Variants in PLCH2 observed in about 807,000 individuals in gnomAD.
The protein encoded by PLCH2 is phospholipase C eta 2.
PLCH2 carries 98 observed loss-of-function variants against 134.7 expected under a neutral mutation model. The ratio of observed to expected loss-of-function variants is 0.73; its 90% CI spans 0.62 to 0.86. The LOEUF (loss-of-function observed/expected upper bound fraction) is 0.86. Among genes scored for constraint, PLCH2 ranks in the 40% least tolerant of loss-of-function variants. The pLI, the probability that PLCH2 is intolerant of heterozygous loss-of-function variation, is 0.00. For missense variants in PLCH2, 1,994 were observed against 1,986.6 expected, an observed-to-expected ratio of 1.00 and a Z score of -0.07; for synonymous variants, 974 against 827.5, an observed-to-expected ratio of 1.18 and a Z score of -3.04.
chr1:2,421,981 G>GAAGAA (rs60532031), upstream of PLCH2, among the ~76,000 whole-genome samples: 49,039 of 149,704 alleles, frequency 0.33, 8,083 homozygotes, highest in East Asian at 0.52. Flanking sequence ...CTCAAAAAAA[G>GAAGAA]AAGAAAAGGC....
At chr1:2,431,330 CGT>C (rs35263617) in intron 2 of PLCH2, among the ~76,000 whole-genome samples, 38 of 151,216 alleles carry the variant, frequency 2.5e-4, no homozygotes, top group Admixed American at 1.8e-3. Context: ...TGCCCAAGTG[CGT>C]GTGTGTGTGT....
the PLCH2 span, among the ~76,000 whole-genome samples, chr1:2,419,028 C>T: frequency 1.4e-3 from 208 of 152,358 alleles, no homozygotes; most frequent in African/African-American, 4.4e-3. Context: ...CGACGCCTCT[C>T]TCTGCGGTTG....
At chr1:2,458,609 TGGGC>T (rs1640615689) in intron 2 of PLCH2, among the ~76,000 whole-genome samples, 1 of 152,094 alleles carries the variant, frequency 6.6e-6, no homozygotes, top group Non-Finnish European at 1.5e-5. Flanking sequence ...GGGGAGAAGC[TGGGC>T]TCCATCTGTG....
At chr1:2,431,434 G>T (rs1639065898) in intron 2 of PLCH2, among the ~76,000 whole-genome samples, 1 of 152,176 alleles carries the variant, frequency 6.6e-6, no homozygotes, top group Non-Finnish European at 1.5e-5. Flanking sequence ...ACAGGTCTTC[G>T]CCATCTGAGG....
intron 2 of PLCH2, among the ~76,000 whole-genome samples, chr1:2,455,612 C>G (rs1320005420): frequency 1.3e-5 from 2 of 152,188 alleles, no homozygotes; most frequent in Non-Finnish European, 2.9e-5. Flanking sequence ...GTGGGGGATG[C>G]CGACGCTTGT....
At chr1:2,430,128 C>T (rs1170569507) in intron 1 of PLCH2, among the ~76,000 whole-genome samples, 1 of 152,180 alleles carries the variant, frequency 6.6e-6, no homozygotes, top group African/African-American at 2.4e-5. Flanking sequence ...CTCCCCTGCC[C>T]TTTGGTTCTT....
rs780594611 is a variant in PLCH2, at chr1:2,478,465, C to G, written c.125-11C>G. On this transcript the variant is annotated splice_polypyrimidine_tract_variant and intron_variant, in intron 1 of 21. Transcript: ENST00000378486. ...TGCCTCCGCTGACAGCCGTGTCTCT[C>G]CCGTGTCCAGTGGAGCGGTGCATGG... is the stretch of plus-strand genomic sequence containing the variant. 8 of 1,612,404 alleles carry G rather than the reference C, an allele frequency of 5.0e-6. No homozygotes were observed. In the East Asian group the frequency reaches 1.1e-4, roughly 22 times the overall value.
At position 2,504,033 on chromosome 1, in the gene PLCH2, C is replaced by G; in HGVS notation, c.3071C>G (p.Thr1024Ser). 2 of 1,541,288 alleles carry G rather than the reference C, an allele frequency of 1.3e-6. No individual in the cohort carries two copies. The highest frequency in any genetic ancestry group is 3.9e-5 in the Admixed American group (2 of 50,718). The change falls in exon 22 of 22, where the codon ACC becomes AGC. Residue 1024 changes from threonine to serine, a missense_variant. Thr to Ser is a moderately conservative substitution (Grantham distance 58). Coordinates refer to ENST00000378486, the MANE Select transcript of PLCH2 (RefSeq NM_014638.4). Reference protein sequence around the residue: ...PGPPPPAAVPTSSSQGRPPYP... With the variant: ...PGPPPPAAVPSSSSQGRPPYP... ...CCCCCGCCACCAGCGGCTGTCCCCA[C>G]CAGCTCTTCTCAGGGACGGCCCCCA...
chr1:2,498,236 T>A lies in PLCH2; in HGVS notation c.2225-287T>A. The A allele has an allele frequency of 9.2e-5, 34 of 368,486 alleles. No homozygotes were observed. Among genetic ancestry groups the A allele is most frequent in the Middle Eastern group, 7.7e-4 (1 of 1,302 alleles). The allele number at this position is 368,486 out of a possible 1,614,324, so 22.8% of individuals were successfully genotyped here. ...CTGTCACCAGAGACCCCACCCCTCA[T>A]ACCCCCAGGGACCCAGACCCACCCC... On this transcript the variant is annotated intron_variant, in intron 16 of 21. Coordinates refer to ENST00000378486, the MANE Select transcript of PLCH2 (RefSeq NM_014638.4). The surrounding 1 kb of genome is among the most constrained non-coding windows in gnomAD (Gnocchi z 5.4).
chr1:2,461,365 TC>T (rs1273531675), intron 2 of PLCH2, among the ~76,000 whole-genome samples: 1 of 152,178 alleles, frequency 6.6e-6, no homozygotes, highest in East Asian at 1.9e-4. Context: ...GGCAAGGCTG[TC>T]CTTCAGCAGG....
At chr1:2,459,152 G>A (rs561512349) in intron 2 of PLCH2, among the ~76,000 whole-genome samples, 120 of 152,378 alleles carry the variant, frequency 7.9e-4, no homozygotes, top group African/African-American at 2.5e-3. Context: ...TTTGCCATCC[G>A]CCAGGAGCTT....
At chr1:2,479,188 T>G (rs1641810216) in intron 2 of PLCH2, 1 of 163,012 alleles carries the variant, frequency 6.1e-6, no homozygotes, top group South Asian at 1.7e-4. Context: ...GCTTTGCTGA[T>G]GGTCAGGACC....
chr1:2,499,860 C>T (rs534895950), intron 20 of PLCH2, 140 bp downstream of exon 20: 12 of 687,078 alleles, frequency 1.7e-5, no homozygotes, highest in South Asian at 1.6e-4. Context: ...GCCTCTGCTC[C>T]TCTATCTCAA....
chr1:2,453,133 T>A lies in PLCH2; in HGVS notation c.115+22504T>A, dbSNP rs552207823. Among the ~76,000 whole-genome samples, 8 of 152,136 alleles carry A rather than the reference T, an allele frequency of 5.3e-5. No homozygotes were observed. In the East Asian group the frequency reaches 1.4e-3, roughly 26 times the overall value. ...GGCCTGGGCCGCCCATCCCCCACCG[T>A]GCTACAAGCCTCCTGCCTGTCCCCC... On this transcript the variant is annotated intron_variant, in intron 2 of 3. Coordinates refer to the PLCH2 transcript ENST00000609981.
At chr1:2,427,828 C>CGGGGGTGGG (rs1348086822) in intron 1 of PLCH2, among the ~76,000 whole-genome samples, 2 of 152,066 alleles carry the variant, frequency 1.3e-5, no homozygotes, top group African/African-American at 4.8e-5. Flanking sequence ...GGGAGCCCTC[C>CGGGGGTGGG]AGGGGTGGGA....
chr1:2,461,088 G>A (rs952401031), intron 2 of PLCH2, among the ~76,000 whole-genome samples: 12 of 152,236 alleles, frequency 7.9e-5, no homozygotes, highest in Non-Finnish European at 1.6e-4. Flanking sequence ...CTGAGGGTGT[G>A]TGTCCTGGGA....
In PLCH2 at chr1:2,497,639, C is replaced by T. The variant is rs372870964; in HGVS notation, c.2224+30C>T. ...GGCACTCGGACACTCAGGGCTCGGACGCTCAGGGCTCGGATGGGCCTCCTG... is the reference window on the plus strand; with the variant it reads ...GGCACTCGGACACTCAGGGCTCGGATGCTCAGGGCTCGGATGGGCCTCCTG... On this transcript the variant is annotated intron_variant, in intron 16 of 21. Transcript: ENST00000378486. The T allele has an allele frequency of 1.8e-4, 264 of 1,445,654 alleles. 1 individual carries two copies. Among genetic ancestry groups the T allele is most frequent in the Middle Eastern group, 3.5e-4 (2 of 5,756 alleles). 89.6% of individuals were successfully genotyped at this position (1,445,654 alleles called of 1,614,324 possible).
At chr1:2,418,810 C>G in the PLCH2 span, among the ~76,000 whole-genome samples, 1 of 152,230 alleles carries the variant, frequency 6.6e-6, no homozygotes, top group Non-Finnish European at 1.5e-5. Flanking sequence ...CACATGGCCT[C>G]GACTTGGCTG....
At chr1:2,443,216 C>G (rs1316917348) in intron 2 of PLCH2, among the ~76,000 whole-genome samples, 3 of 152,230 alleles carry the variant, frequency 2.0e-5, no homozygotes, top group African/African-American at 4.8e-5. Context: ...GGCCGTACCC[C>G]GTTCTCAGCA....
Sources: gnomAD v4.1 joint callset for allele counts (sites outside exome capture counted in the v4.1 genomes callset) on GRCh38, gnomAD v4.1.1 for gene constraint, Gnocchi (gnomAD v3.1) non-coding constraint, MANE v1.5 for transcripts, NCBI Gene and HGNC (gene_info 2026-07-23, HGNC 2026-07-21) for gene names.